The following HABP2 variants were observed in gnomAD, a reference collection of about 807,000 sequenced individuals.
The protein encoded by HABP2 is factor VII-activating protease.
In HABP2, 65 loss-of-function variants were observed where a neutral mutation model predicts 66.5. That is an observed-to-expected ratio of 0.98 (90% CI 0.80 to 1.20). The LOEUF (loss-of-function observed/expected upper bound fraction) is 1.20. Ranked by LOEUF, HABP2 falls within the 50% of genes most tolerant of loss-of-function variation. The pLI is 0.00. For synonymous variants in HABP2, 263 were observed against 253.9 expected (o/e 1.04, Z -0.34); for missense variants, 786 against 691.0 (o/e 1.14, Z -1.54).
At chr10:113,553,230 G>A (rs774875092) in intron 1 of HABP2, 40 bp downstream of exon 1, 16 of 1,441,218 alleles carry the variant, frequency 1.1e-5, no homozygotes, top group African/African-American at 8.4e-5. Context: ...GAGAGACTCC[G>A]AAGTTTACTA....
intron 4 of HABP2, among the ~76,000 whole-genome samples, 188 bp from the exon 5 acceptor site, chr10:113,576,962 G>A (rs1256853864): frequency 6.6e-6 from 1 of 152,216 alleles, no homozygotes; most frequent in African/African-American, 2.4e-5. Context: ...GGGAAGCAAT[G>A]TGGGAGACAA....
Position 113,579,255 on chromosome 10 carries a change from GA to G in HABP2, c.740+469del, listed in dbSNP as rs71007434. On this transcript the variant is annotated intron_variant, in intron 7 of 12. Coordinates refer to ENST00000351270, the MANE Select transcript of HABP2 (RefSeq NM_004132.5). ...AGAGTGAGACCCTGTCTCAAAAAAA[GA>G]AAAAAAAAAAAGAAAAAATGTCTAT... Among the ~76,000 whole-genome samples the G allele has an allele frequency of 7.7e-3, 1,028 of 133,290 alleles. 10 individuals carry two copies. Among genetic ancestry groups the G allele is most frequent in the African/African-American group, 0.022 (803 of 36,460 alleles). 87.4% of individuals were successfully genotyped at this position (133,290 alleles called of 152,430 possible).
intron 4 of HABP2, 107 bp downstream of exon 4, chr10:113,576,111 A>G: frequency 1.4e-6 from 1 of 711,514 alleles, no homozygotes; most frequent in Admixed American, 2.0e-5. Flanking sequence ...TATAACTGCA[A>G]TACTGTATCA....
rs765358432 is a variant in HABP2, at chr10:113,589,122, C to A, written c.*753C>A. The A allele has an allele frequency of 9.7e-6, 15 of 1,539,428 alleles. No individual in the cohort carries two copies. In the African/African-American group the frequency reaches 1.4e-4, roughly 14 times the overall value. ...ACCCCAAGTTAAAATGAAGCTCCCC[C>A]ACCCCCACTCCCGGCCCCGGTTCCC... is the stretch of plus-strand genomic sequence containing the variant. On this transcript the variant is annotated 3_prime_UTR_variant, in exon 13 of 13. Transcript: ENST00000351270.
intron 1 of HABP2, among the ~76,000 whole-genome samples, chr10:113,556,811 T>A: frequency 6.8e-6 from 1 of 146,468 alleles, no homozygotes; most frequent in African/African-American, 2.5e-5. Flanking sequence ...ATTCTTTTTT[T>A]TTTTTTTTTT....
intron 2 of HABP2, among the ~76,000 whole-genome samples, chr10:113,570,411 AACTC>A (rs1358123370): frequency 6.6e-6 from 1 of 152,256 alleles, no homozygotes; most frequent in African/African-American, 2.4e-5. Context: ...AAACTAGACA[AACTC>A]ACAAGAATTT....
chr10:113,581,309 A>G (rs903675217), intron 8 of HABP2, among the ~76,000 whole-genome samples: 11 of 152,252 alleles, frequency 7.2e-5, no homozygotes, highest in African/African-American at 2.7e-4. Context: ...TGATTTCTCA[A>G]GTAAAATGTT....
intron 2 of HABP2, among the ~76,000 whole-genome samples, chr10:113,569,010 C>CAT (rs1845253635): frequency 1.3e-5 from 2 of 152,142 alleles, no homozygotes; most frequent in Non-Finnish European, 2.9e-5. Flanking sequence ...CCAATGTGCC[C>CAT]ATAGATTTAT....
chr10:113,552,989 G>C, upstream of HABP2: 3 of 676,498 alleles, frequency 4.4e-6, no homozygotes, highest in South Asian at 5.5e-5. Context: ...AACAGTATTT[G>C]ATGCCTAGTT....
intron 2 of HABP2, among the ~76,000 whole-genome samples, chr10:113,570,889 T>C (rs6585234): frequency 0.75 from 113,868 of 152,092 alleles, 43,888 homozygotes; most frequent in East Asian, 0.94. Context: ...GGCCCTTCCT[T>C]TTAAGAAACT....
rs140549098 is a variant in HABP2 at position 113,584,178 on chromosome 10, A to T, written c.1268A>T (p.His423Leu). 51 of 1,613,596 alleles carry T rather than the reference A, an allele frequency of 3.2e-5. No individual in the cohort carries two copies. The highest frequency in any genetic ancestry group is 4.2e-5 in the Non-Finnish European group (49 of 1,179,622). The change falls in exon 11 of 13, where the codon CAC (histidine) becomes CTC (leucine). Residue 423 changes from histidine to leucine, a missense_variant. Physicochemically the swap from His to Leu is moderately conservative, Grantham distance 99. Coordinates refer to ENST00000351270, the MANE Select transcript of HABP2 (RefSeq NM_004132.5). ...CTCAAGTTAAAGCCAGTGGATGGTCACTGTGCTCTAGAATCCAAATACGTG... is the reference window on the plus strand; with the variant it reads ...CTCAAGTTAAAGCCAGTGGATGGTCTCTGTGCTCTAGAATCCAAATACGTG... ...ALLKLKPVDG[H>L]CALESKYVKT...
intron 8 of HABP2, 118 bp from the exon 9 acceptor site, chr10:113,581,758 T>A: frequency 1.1e-6 from 1 of 938,998 alleles, no homozygotes; most frequent in South Asian, 1.4e-5. Context: ...ACCAGTGCAG[T>A]CTCTCAGCTC....
chr10:113,584,024 A>G, intron 10 of HABP2, 124 bp from the exon 11 acceptor site: 1 of 726,290 alleles, frequency 1.4e-6, no homozygotes, highest in Non-Finnish European at 2.4e-6. Flanking sequence ...ACGGAAGAAG[A>G]TTTTCAGGCA....
In HABP2 at chr10:113,581,892, G is replaced by T. The variant is rs145911605; in HGVS notation, c.855G>T (p.Glu285Asp). Residue 285 changes from glutamate to aspartate, a missense_variant, in exon 9 of 13, where the codon GAG becomes GAT. Glu to Asp is a conservative substitution (Grantham distance 45). Coordinates refer to ENST00000351270, the MANE Select transcript of HABP2 (RefSeq NM_004132.5). ...ACSAQDVAYP[E>D]ESPTEPSTKL... ...GTCCCACAGACGTTGCCTACCCAGA[G>T]GAAAGCCCCACTGAGCCATCAACCA... The T allele has an allele frequency of 6.2e-7, 1 of 1,614,042 alleles. No homozygotes were observed. The highest frequency in any genetic ancestry group is 8.5e-7 in the Non-Finnish European group (1 of 1,180,012).
upstream of HABP2, chr10:113,550,838 A>G (rs1386191445): frequency 6.6e-6 from 1 of 152,186 alleles, no homozygotes; most frequent in African/African-American, 2.4e-5. Flanking sequence ...ACTCTTTTTC[A>G]TAGAAACCAC....
At chr10:113,586,480 G>GGC (rs1845637695) in intron 12 of HABP2, among the ~76,000 whole-genome samples, 1 of 139,878 alleles carries the variant, frequency 7.1e-6, no homozygotes, top group Non-Finnish European at 1.6e-5. Context: ...GTGTGTGGGG[G>GGC]GGGGGGGGGT....
chr10:113,576,278 A>G (rs1845407920), intron 4 of HABP2, among the ~76,000 whole-genome samples: 1 of 152,174 alleles, frequency 6.6e-6, no homozygotes, highest in South Asian at 2.1e-4. Context: ...TCCCAAACTC[A>G]GGACTTTGTG....
chr10:113,583,392 T>C (rs754370351), intron 10 of HABP2, 34 bp downstream of exon 10: 2 of 1,596,792 alleles, frequency 1.3e-6, no homozygotes, highest in Admixed American at 3.3e-5. Context: ...CCTGAGGGTC[T>C]TGTCCTGGGT....
At chr10:113,581,276 C>T (rs1012166764) in intron 8 of HABP2, among the ~76,000 whole-genome samples, 1 of 152,192 alleles carries the variant, frequency 6.6e-6, no homozygotes, top group African/African-American at 2.4e-5. Context: ...ACTCAAATAT[C>T]CCCTCCTCCA....
Sources: allele counts gnomAD v4.1 joint callset (sites outside exome capture counted in the v4.1 genomes callset), GRCh38; gene constraint gnomAD v4.1.1; transcripts MANE v1.5; gene names NCBI Gene and HGNC (gene_info 2026-07-23, HGNC 2026-07-21).